Variants in CPA6 observed in about 807,000 individuals in gnomAD.
CPA6 encodes the protein carboxypeptidase B.
CPA6 carries 58 observed loss-of-function variants against 63.3 expected under a neutral mutation model. That is an observed-to-expected ratio of 0.92 (90% CI 0.74 to 1.14). The LOEUF (loss-of-function observed/expected upper bound fraction) is 1.14. Among genes scored for constraint, CPA6 ranks in the 50% most tolerant of loss-of-function variants. The pLI is 0.00. For missense variants in CPA6, 565 were observed against 526.6 expected (o/e 1.07, Z -0.71); for synonymous variants, 185 against 179.0 (o/e 1.03, Z -0.27).
At chr8:67,581,751 G>A (rs1281974132) in intron 2 of CPA6, among the ~76,000 whole-genome samples, 2 of 152,120 alleles carry the variant, frequency 1.3e-5, no homozygotes, top group Admixed American at 1.3e-4. Context: ...TTCAGAATAG[G>A]ACTTTACTCA....
intron 8 of CPA6, among the ~76,000 whole-genome samples, chr8:67,461,419 A>T (rs375815541): frequency 2.0e-5 from 3 of 149,894 alleles, no homozygotes; most frequent in Non-Finnish European, 3.0e-5. Context: ...AGAAGAATTT[A>T]TCTTAGTACA....
chr8:67,704,304 T>C (rs943786964), intron 1 of CPA6, among the ~76,000 whole-genome samples: 1 of 152,204 alleles, frequency 6.6e-6, no homozygotes, highest in Non-Finnish European at 1.5e-5. Context: ...CGTCAAGACC[T>C]TCAAGGTCAT....
Position 67,601,827 on chromosome 8 carries a change from A to G in CPA6, c.192+22349T>C, listed in dbSNP as rs561256656. On this transcript the variant is annotated intron_variant, in intron 2 of 10. Transcript: ENST00000297770. ...ATGGAGGGCAATTTGAAACACATCT[A>G]TAAAAGAAAGTACATATCCTCTTTG... Among the ~76,000 whole-genome samples the G allele has an allele frequency of 7.9e-5, 12 of 152,328 alleles. No homozygotes were observed. In the East Asian group the frequency reaches 2.3e-3, roughly 29 times the overall value.
chr8:67,742,143 T>TGTGC (rs1554541497), intron 1 of CPA6, among the ~76,000 whole-genome samples: 1 of 151,698 alleles, frequency 6.6e-6, no homozygotes, highest in Non-Finnish European at 1.5e-5. Context: ...TGTGTGTGTG[T>TGTGC]GCGCGTGTGT....
At chr8:67,578,974 C>T (rs1017767130) in intron 2 of CPA6, among the ~76,000 whole-genome samples, 4 of 152,286 alleles carry the variant, frequency 2.6e-5, no homozygotes, top group Admixed American at 2.6e-4. Flanking sequence ...TAAATTTATT[C>T]AAAGAATTTT....
chr8:67,521,116 G>A (rs1812249615), intron 2 of CPA6, among the ~76,000 whole-genome samples: 1 of 152,194 alleles, frequency 6.6e-6, no homozygotes, highest in Non-Finnish European at 1.5e-5. Flanking sequence ...TATCAGGATG[G>A]TCCAAGGCTG....
intron 1 of CPA6, among the ~76,000 whole-genome samples, chr8:67,631,813 C>T (rs1470017054): frequency 6.6e-6 from 1 of 152,182 alleles, no homozygotes; most frequent in Non-Finnish European, 1.5e-5. Flanking sequence ...ATCATGAACC[C>T]ACCGGGAGGA....
chr8:67,637,111 G>A (rs1463091603), intron 1 of CPA6, among the ~76,000 whole-genome samples: 1 of 151,654 alleles, frequency 6.6e-6, no homozygotes, highest in African/African-American at 2.4e-5. Flanking sequence ...TTTATTTTTG[G>A]TGGTGGTTGT....
intron 8 of CPA6, among the ~76,000 whole-genome samples, chr8:67,465,716 A>T (rs1190853210): frequency 6.6e-6 from 1 of 152,150 alleles, no homozygotes; most frequent in African/African-American, 2.4e-5. Context: ...CTATTGAGAT[A>T]CACAGATGGT....
chr8:67,720,797 G>A (rs1321610793), intron 1 of CPA6, among the ~76,000 whole-genome samples: 1 of 152,188 alleles, frequency 6.6e-6, no homozygotes, highest in African/African-American at 2.4e-5. Flanking sequence ...TTCAGACACA[G>A]TTCTGCTCCA....
chr8:67,678,678 G>A (rs1222372712), intron 1 of CPA6, among the ~76,000 whole-genome samples: 1 of 152,196 alleles, frequency 6.6e-6, no homozygotes, highest in Non-Finnish European at 1.5e-5. Flanking sequence ...ACTGTAAATT[G>A]GTACAATCAT....
Position 67,434,071 on chromosome 8 carries a change from G to T in CPA6, c.1008C>A (p.Tyr336Ter). ...TAAAATTGGGAATTGTTGCATATTTGTAAGAATAGGGATACAGTAACATCT... is the reference window on the plus strand; with the variant it reads ...TAAAATTGGGAATTGTTGCATATTTTTAAGAATAGGGATACAGTAACATCT... ...YAQMLLYPYS[Y>*]KYATIPNFRC... is the part of the protein sequence containing the mutation. Residue 336 changes from tyrosine (Y) to a stop codon, truncating the protein, a stop_gained, in exon 9 of 11, where the codon TAC (tyrosine) becomes TAA (stop). Coordinates refer to ENST00000297770, the MANE Select transcript of CPA6 (RefSeq NM_020361.5). LOFTEE classifies it high-confidence loss of function. The T allele has an allele frequency of 6.2e-7, 1 of 1,613,328 alleles. No homozygotes were observed.
At chr8:67,501,092 G>A (rs1811822078) in intron 6 of CPA6, among the ~76,000 whole-genome samples, 2 of 151,818 alleles carry the variant, frequency 1.3e-5, no homozygotes, top group African/African-American at 4.8e-5. Flanking sequence ...TCTTATCTAT[G>A]GCTACAAAAA....
intron 2 of CPA6, among the ~76,000 whole-genome samples, chr8:67,613,191 T>G (rs1814855435): frequency 1.3e-5 from 2 of 152,226 alleles, no homozygotes; most frequent in South Asian, 4.1e-4. Flanking sequence ...TGATACCTGT[T>G]TGCTCCATCA....
chr8:67,512,096 G>T (rs984343033), intron 3 of CPA6, among the ~76,000 whole-genome samples: 1 of 152,098 alleles, frequency 6.6e-6, no homozygotes, highest in Non-Finnish European at 1.5e-5. Flanking sequence ...GTCTCAAAAG[G>T]GTTAAGAACT....
intron 5 of CPA6, among the ~76,000 whole-genome samples, chr8:67,508,494 G>A (rs1811978377): frequency 6.6e-6 from 1 of 152,120 alleles, no homozygotes; most frequent in South Asian, 2.1e-4. Context: ...TGGGCTAGAT[G>A]TGCCTGTCTA....
chr8:67,717,583 A>G (rs540624910), intron 1 of CPA6, among the ~76,000 whole-genome samples: 45 of 152,364 alleles, frequency 3.0e-4, no homozygotes, highest in Non-Finnish European at 4.7e-4. Flanking sequence ...GAGCTTAACT[A>G]TGTGGTATTT....
At position 67,691,988 on chromosome 8, in the gene CPA6, T is replaced by C. The variant is rs138213781; in HGVS notation, c.116+54026A>G. 1.9e-3 allele frequency among the ~76,000 whole-genome samples: 288 copies of C among 152,304 alleles called. 3 individuals are homozygous for C. The highest frequency in any genetic ancestry group is 0.011 in the South Asian group (52 of 4,822). ...CCATGCTGGAGTTGTTTAATTAATA[T>C]GTTATCTTTTTGTCCTGGCAGTTGC... On this transcript the variant is annotated intron_variant, in intron 1 of 10. Transcript: ENST00000297770.
At chr8:67,477,435 G>A (rs963018486) in intron 8 of CPA6, among the ~76,000 whole-genome samples, 5 of 151,638 alleles carry the variant, frequency 3.3e-5, no homozygotes, top group Admixed American at 3.3e-4. Flanking sequence ...TGGTTGTTAA[G>A]CAAAGAATAC....
Sources: gnomAD v4.1 joint callset for allele counts (sites outside exome capture counted in the v4.1 genomes callset) on GRCh38, gnomAD v4.1.1 for gene constraint, MANE v1.5 for transcripts, NCBI Gene and HGNC (gene_info 2026-07-23, HGNC 2026-07-21) for gene names.